TNN: variants seen among roughly 807,000 people sequenced by gnomAD.
The protein encoded by TNN is tenascin-N.
TNN carries 122 observed loss-of-function variants against 134.4 expected under a neutral mutation model. The ratio of observed to expected loss-of-function variants is 0.91; its 90% CI spans 0.78 to 1.06. TNN has a LOEUF of 1.06. Among genes scored for constraint, TNN ranks in the 50% least tolerant of loss-of-function variants. The probability of loss-of-function intolerance (pLI) is 0.00; values close to 1 mark genes in which losing one functional copy is unlikely to be tolerated. For synonymous variants in TNN, 710 were observed against 670.3 expected (o/e 1.06, Z -0.91); for missense variants, 1,739 against 1,699.4 (o/e 1.02, Z -0.41).
In TNN at chr1:175,077,490, C is replaced by T. The variant is rs1674071225; in HGVS notation, c.72C>T (p.Ala24=). The T allele has an allele frequency of 1.2e-6, 2 of 1,613,814 alleles. No homozygotes were observed. Among genetic ancestry groups the T allele is most frequent in the Non-Finnish European group, 1.7e-6 (2 of 1,180,028 alleles). ...LLGSVLLVAS[A]PATLEPPGCS... ...GCTCTGTGCTCCTGGTGGCTTCGGC[C>T]CCAGCCACTCTGGAGCCTCCCGGCT... The change falls in exon 2 of 19, where the codon GCC becomes GCT. Residue 24 remains alanine, a synonymous_variant. Coordinates refer to ENST00000239462, the MANE Select transcript of TNN (RefSeq NM_022093.2).
At chr1:175,081,263 A>G (rs1674193246) in intron 4 of TNN, among the ~76,000 whole-genome samples, 1 of 152,272 alleles carries the variant, frequency 6.6e-6, no homozygotes, top group African/African-American at 2.4e-5. Context: ...AAGGATTAGC[A>G]TCACTGCTTA....
chr1:175,144,239 C>T, intron 17 of TNN, 148 bp from the exon 18 acceptor site: 1 of 696,966 alleles, frequency 1.4e-6, no homozygotes, highest in South Asian at 1.8e-5. Flanking sequence ...CCCATTTGGG[C>T]TGTTTTGAGA....
At chr1:175,126,326 T>A (rs1486562430) in intron 12 of TNN, among the ~76,000 whole-genome samples, 9 of 152,046 alleles carry the variant, frequency 5.9e-5, no homozygotes, top group Admixed American at 5.9e-4. Flanking sequence ...GGTGTCGAAC[T>A]CTTGACCTTG....
chr1:175,138,874 T>C (rs1675881805), intron 17 of TNN, among the ~76,000 whole-genome samples: 1 of 152,240 alleles, frequency 6.6e-6, no homozygotes. Context: ...TGGTGTAGCC[T>C]ATTGCTACTA....
intron 12 of TNN, among the ~76,000 whole-genome samples, chr1:175,125,709 CTT>C (rs1675498774): frequency 3.7e-4 from 8 of 21,354 alleles, no homozygotes; most frequent in Admixed American, 5.7e-4. Context: ...TTCTCTCTTT[CTT>C]TCTTTCTTTC....
intron 9 of TNN, among the ~76,000 whole-genome samples, chr1:175,108,831 A>G (rs12407204): frequency 0.13 from 16,194 of 123,356 alleles, 1,415 homozygotes; most frequent in African/African-American, 0.2. Context: ...GTTCCCGCTC[A>G]CGCCTCTCCC....
chr1:175,098,682 G>C (rs1291565168), intron 9 of TNN, 87 bp downstream of exon 9: 3 of 1,568,496 alleles, frequency 1.9e-6, no homozygotes, highest in East Asian at 4.5e-5. Flanking sequence ...GCATAAAGGG[G>C]GACTTTATGG....
intron 9 of TNN, among the ~76,000 whole-genome samples, chr1:175,109,524 G>T (rs1327292151): frequency 6.6e-6 from 1 of 152,038 alleles, no homozygotes; most frequent in Non-Finnish European, 1.5e-5. Flanking sequence ...ATATGAGTAA[G>T]AACATGCAAT....
intron 11 of TNN, among the ~76,000 whole-genome samples, chr1:175,119,687 T>C (rs974964087): frequency 1.4e-5 from 2 of 142,318 alleles, no homozygotes; most frequent in Non-Finnish European, 3.0e-5. Flanking sequence ...CAGGCTGGAG[T>C]GCAGTGGCGC....
chr1:175,144,615 C>A (rs1389321293), intron 18 of TNN, 65 bp downstream of exon 18: 15 of 1,514,100 alleles, frequency 9.9e-6, no homozygotes, highest in East Asian at 2.4e-5. Context: ...CAAATGGACA[C>A]CCTCCAGGCC....
At chr1:175,074,484 G>GAAAAAAAA (rs55952749) in intron 1 of TNN, among the ~76,000 whole-genome samples, 4 of 119,020 alleles carry the variant, frequency 3.4e-5, no homozygotes, top group Non-Finnish European at 5.4e-5. Context: ...GATCCTGTCT[G>GAAAAAAAA]AAAAAAAAAA....
intron 1 of TNN, among the ~76,000 whole-genome samples, chr1:175,075,471 GC>G (rs1293425149): frequency 6.6e-6 from 1 of 151,954 alleles, no homozygotes; most frequent in Non-Finnish European, 1.5e-5. Context: ...TAATTTTTGT[GC>G]TTTTAGTAGA....
chr1:175,068,047 G>A (rs1673836050), intron 1 of TNN, 112 bp downstream of exon 1: 1 of 424,804 alleles, frequency 2.4e-6, no homozygotes. Context: ...TGAAAATCCG[G>A]GCAGTGTAAT....
In TNN at chr1:175,079,470, G is replaced by A; in HGVS notation, c.547G>A (p.Asp183Asn). The A allele has an allele frequency of 1.3e-6, 2 of 1,563,646 alleles. No homozygotes were observed. Among genetic ancestry groups the A allele is most frequent in the African/African-American group, 1.4e-5 (1 of 73,708 alleles). Residue 183 changes from aspartate to asparagine, a missense_variant, in exon 3 of 19, where the codon GAC becomes AAC. Coordinates refer to ENST00000239462, the MANE Select transcript of TNN (RefSeq NM_022093.2). ...GACSGHGRCV[D>N]GRCLCHEPYV... Reference sequence around the variant, plus strand: ...GTGCAGCGGCCACGGGCGTTGCGTGGACGGGCGCTGCCTGTGCCATGAGCC... The same window carrying A: ...GTGCAGCGGCCACGGGCGTTGCGTGAACGGGCGCTGCCTGTGCCATGAGCC...
intron 17 of TNN, among the ~76,000 whole-genome samples, chr1:175,140,133 C>T (rs1041540801): frequency 3.9e-5 from 6 of 152,232 alleles, no homozygotes; most frequent in African/African-American, 1.4e-4. Context: ...CAGCTTATTC[C>T]AGGTTCTTCC....
rs967994442 is a variant in TNN, at chr1:175,097,609, T to C, written c.1781T>C (p.Val594Ala). 1 of 1,613,968 alleles carries C rather than the reference T, an allele frequency of 6.2e-7. No individual in the cohort carries two copies. Among genetic ancestry groups the C allele is most frequent in the Admixed American group, 1.7e-5 (1 of 60,008 alleles). Residue 594 changes from valine to alanine, a missense_variant, in exon 8 of 19, where the codon GTG becomes GCG. Transcript: ENST00000239462. ...STVLTGLRPG[V>A]EYTVHVWAQK... ...GTCCTGACAGGCCTGAGGCCAGGTG[T>C]GGAGTACACAGTGCATGTCTGGGCC...
At position 175,128,625 on chromosome 1, in the gene TNN, G is replaced by C. The variant is rs1675593563; in HGVS notation, c.3209G>C (p.Cys1070Ser). 6.2e-7 allele frequency: 1 copy of C among 1,613,282 alleles called. No individual in the cohort carries two copies. The highest frequency in any genetic ancestry group is 1.3e-5 in the African/African-American group (1 of 74,988). Residue 1070 changes from cysteine to serine, a missense_variant, in exon 15 of 19, where the codon TGC becomes TCC. Physicochemically the swap from Cys to Ser is moderately radical, Grantham distance 112. Transcript: ENST00000239462. ...GCCCGTTTCCCACACCCTTCGGACT[G>C]CAGTCAGGTTCAGCAGAACAGCAAT... is the stretch of plus-strand genomic sequence containing the variant. Reference protein sequence around the residue: ...VGARFPHPSDCSQVQQNSNAA... With the variant: ...VGARFPHPSDSSQVQQNSNAA...
intron 18 of TNN, among the ~76,000 whole-genome samples, chr1:175,146,455 C>T (rs547561281): frequency 8.5e-5 from 13 of 152,304 alleles, no homozygotes; most frequent in African/African-American, 3.1e-4. Context: ...TAGTTTTCAG[C>T]AGGCTATTTG....
Position 175,079,550 on chromosome 1 carries a change from C to T in TNN, c.627C>T (p.His209=), listed in dbSNP as rs368504868. The change falls in exon 3 of 19, where the codon CAC becomes CAT. Residue 209 remains histidine (H), a synonymous_variant. Coordinates refer to ENST00000239462, the MANE Select transcript of TNN (RefSeq NM_022093.2). ...CCTGCCCTGAGAACTGCAGCGGACA[C>T]GGCGAGTGCGTGCGCGGCGTGTGCC... is the stretch of plus-strand genomic sequence containing the variant. ...YPACPENCSG[H]GECVRGVCQC... 3.6e-5 allele frequency: 56 copies of T among 1,571,400 alleles called. No individual in the cohort carries two copies. The highest frequency in any genetic ancestry group is 1.2e-5 in the South Asian group (1 of 86,334).
Sources: gnomAD v4.1 joint callset for allele counts (sites outside exome capture counted in the v4.1 genomes callset) on GRCh38, gnomAD v4.1.1 for gene constraint, MANE v1.5 for transcripts, NCBI Gene and HGNC (gene_info 2026-07-23, HGNC 2026-07-21) for gene names.